The following LRRK1 variants were observed in gnomAD, a reference collection of about 807,000 sequenced individuals.
The protein encoded by LRRK1 is leucine rich repeat kinase 1.
In LRRK1, 113 loss-of-function variants were observed where a neutral mutation model predicts 209.1. The ratio of observed to expected loss-of-function variants is 0.54; its 90% confidence interval spans 0.46 to 0.63. The LOEUF (loss-of-function observed/expected upper bound fraction) is 0.63. Among genes scored for constraint, LRRK1 ranks in the 30% least tolerant of loss-of-function variants. The pLI is 0.00. For synonymous variants in LRRK1, 1,144 were observed against 1,099.7 expected (o/e 1.04, Z -0.80); for missense variants, 2,284 against 2,632.2 (o/e 0.87, Z 2.89).
At chr15:100,985,454 A>G (rs1341917565) in intron 4 of LRRK1, among the ~76,000 whole-genome samples, 1 of 152,226 alleles carries the variant, frequency 6.6e-6, no homozygotes, top group East Asian at 1.9e-4. Flanking sequence ...CTCCTGGCCA[A>G]GCAGGGGAAA....
At chr15:100,998,377 C>T (rs1487511654) in intron 6 of LRRK1, among the ~76,000 whole-genome samples, 2 of 152,184 alleles carry the variant, frequency 1.3e-5, no homozygotes, top group Non-Finnish European at 2.9e-5. Context: ...TCAGGAAAGC[C>T]TTCCTTAACC....
chr15:100,981,661 A>T (rs1035752318), intron 3 of LRRK1, among the ~76,000 whole-genome samples: 2 of 152,178 alleles, frequency 1.3e-5, no homozygotes, highest in African/African-American at 4.8e-5. Context: ...TGCTGATGAT[A>T]AACTCCCTAA....
intron 2 of LRRK1, among the ~76,000 whole-genome samples, chr15:100,964,775 G>A (rs1398703516): frequency 1.5e-5 from 2 of 136,058 alleles, no homozygotes; most frequent in African/African-American, 5.5e-5. Context: ...GTGGGGAGAA[G>A]AGAAATACAC....
chr15:100,965,285 G>A (rs1318629055), intron 2 of LRRK1, among the ~76,000 whole-genome samples: 4 of 152,186 alleles, frequency 2.6e-5, no homozygotes, highest in Non-Finnish European at 5.9e-5. Context: ...ACTTCTTCTT[G>A]AAATGGCTGA....
intron 4 of LRRK1, among the ~76,000 whole-genome samples, chr15:100,985,132 T>C (rs1047068148): frequency 1.3e-5 from 1 of 78,644 alleles, no homozygotes; most frequent in Admixed American, 1.5e-4. Flanking sequence ...CAAGCTAGTG[T>C]TCCCCTCATG....
intron 2 of LRRK1, among the ~76,000 whole-genome samples, chr15:100,970,805 A>G (rs1358446863): frequency 6.6e-6 from 1 of 152,210 alleles, no homozygotes; most frequent in African/African-American, 2.4e-5. Flanking sequence ...GATTCTTCCA[A>G]TCCTTGAAGA....
chr15:100,975,836 A>G (rs956216661), intron 3 of LRRK1, among the ~76,000 whole-genome samples: 1 of 152,220 alleles, frequency 6.6e-6, no homozygotes, highest in Admixed American at 6.5e-5. Context: ...GAAACTGTAA[A>G]AATAATTTGA....
At position 101,076,656 on chromosome 15, in the gene LRRK1, A is replaced by T. The variant is rs1368805732; in HGVS notation, c.*7808A>T. The T allele has an allele frequency of 2.0e-5, 3 of 152,248 alleles. No individual in the cohort carries two copies. Among genetic ancestry groups the T allele is most frequent in the Non-Finnish European group, 4.4e-5 (3 of 68,114 alleles). The allele number at this position is 152,248 out of a possible 1,614,324, so 9.4% of individuals were successfully genotyped here. ...GTGGAAATCTATCCTCAAGGAAATA[A>T]CTTCTCAGTGTTCCATCTGCTATTC... On this transcript the variant is annotated 3_prime_UTR_variant, in exon 34 of 34. Coordinates refer to ENST00000388948, the MANE Select transcript of LRRK1 (RefSeq NM_024652.6).
chr15:100,928,431 C>T (rs1427128694), intron 2 of LRRK1, among the ~76,000 whole-genome samples: 3 of 152,172 alleles, frequency 2.0e-5, no homozygotes, highest in African/African-American at 7.2e-5. Flanking sequence ...CCCTCTCCCA[C>T]CCCCCAAATC....
chr15:101,000,408 A>G (rs988600491), intron 6 of LRRK1, among the ~76,000 whole-genome samples: 1 of 151,984 alleles, frequency 6.6e-6, no homozygotes, highest in Non-Finnish European at 1.5e-5. Flanking sequence ...TCTGGTCCCA[A>G]CCTCCCCTCT....
In LRRK1 at chr15:101,024,916, G is replaced by T. The variant is rs1008616867; in HGVS notation, c.2181G>T (p.Ala727=). 68 of 1,613,978 alleles carry T rather than the reference G, an allele frequency of 4.2e-5. No homozygotes were observed. Among genetic ancestry groups the T allele is most frequent in the Non-Finnish European group, 5.5e-5 (65 of 1,180,012 alleles). Residue 727 remains alanine, a synonymous_variant, in exon 16 of 34, where the codon GCG becomes GCT. Transcript: ENST00000388948. The surrounding 1 kb of genome is among the most constrained non-coding windows in gnomAD (Gnocchi z 4.6). The part of the protein sequence containing the change: ...KALYVVVWNL[A]LGEEAVANLQ... ...TGTACGTGGTGGTCTGGAACCTGGCGCTGGGGGAGGAGGCCGTGGCCAACC... is the reference window on the plus strand; with the variant it reads ...TGTACGTGGTGGTCTGGAACCTGGCTCTGGGGGAGGAGGCCGTGGCCAACC...
chr15:101,066,657 T>C lies in LRRK1; in HGVS notation c.5786T>C (p.Ile1929Thr). The change falls in exon 33 of 34, where the codon ATC becomes ACC. Residue 1929 changes from isoleucine (I) to threonine (T), a missense_variant. Ile to Thr is a moderately conservative substitution (Grantham distance 89). Transcript: ENST00000388948. ...IWVPRRGGDV[I>T]VIGLEKDSGA... ...TTGCTTAGGCGCGGTGGAGATGTTATCGTCATTGGCCTGGAGAAGGATTCT... is the reference window on the plus strand; with the variant it reads ...TTGCTTAGGCGCGGTGGAGATGTTACCGTCATTGGCCTGGAGAAGGATTCT... 6 of 1,614,220 alleles carry C rather than the reference T, an allele frequency of 3.7e-6. No individual in the cohort carries two copies. The highest frequency in any genetic ancestry group is 4.2e-6 in the Non-Finnish European group (5 of 1,180,026).
chr15:100,932,046 C>T (rs1434524804), intron 2 of LRRK1, among the ~76,000 whole-genome samples: 3 of 152,034 alleles, frequency 2.0e-5, no homozygotes, highest in Non-Finnish European at 2.9e-5. Flanking sequence ...AGTGCAATGG[C>T]GCAACCTCGG....
rs187318977 is a variant in LRRK1 at position 100,929,762 on chromosome 15, G to A, written c.97+5033G>A. On this transcript the variant is annotated intron_variant, in intron 2 of 33. Transcript: ENST00000388948. Reference sequence around the variant, plus strand: ...CAGGAAACAGGGCAGGCAGGGCCTTGCAGGGAAGGAGATTCCAGCCTGGCT... The same window carrying A: ...CAGGAAACAGGGCAGGCAGGGCCTTACAGGGAAGGAGATTCCAGCCTGGCT... 2.8e-4 allele frequency among the ~76,000 whole-genome samples: 42 copies of A among 152,186 alleles called. 1 individual carries two copies. The highest frequency in any genetic ancestry group is 9.7e-4 in the African/African-American group (40 of 41,434).
intron 6 of LRRK1, among the ~76,000 whole-genome samples, chr15:100,993,306 GCTTT>G (rs1169687402): frequency 2.0e-5 from 3 of 152,080 alleles, no homozygotes; most frequent in African/African-American, 4.8e-5. Flanking sequence ...GTTTGTGCTA[GCTTT>G]CTTTATCAGA....
chr15:100,924,440 A>G, intron 1 of LRRK1, 71 bp from the exon 2 acceptor site: 2 of 586,314 alleles, frequency 3.4e-6, no homozygotes, highest in Non-Finnish European at 3.1e-6. Context: ...AAATGAACCC[A>G]TGCAAATATT....
chr15:100,926,294 C>A (rs1370239335), intron 2 of LRRK1, among the ~76,000 whole-genome samples: 1 of 151,894 alleles, frequency 6.6e-6, no homozygotes, highest in East Asian at 1.9e-4. Flanking sequence ...ACGCAGTCCC[C>A]GATTTGGGGG....
chr15:100,998,744 A>G (rs955095209), intron 6 of LRRK1, among the ~76,000 whole-genome samples: 1 of 151,594 alleles, frequency 6.6e-6, no homozygotes, highest in African/African-American at 2.4e-5. Context: ...GGATGAATGG[A>G]TAGAAGGATG....
chr15:100,924,343 G>C (rs999012210), intron 1 of LRRK1, among the ~76,000 whole-genome samples, 168 bp from the exon 2 acceptor site: 3 of 152,300 alleles, frequency 2.0e-5, no homozygotes, highest in East Asian at 3.9e-4. Flanking sequence ...AGATGGGATG[G>C]GGGGAGCTGT....
Sources: gnomAD v4.1 joint callset for allele counts (sites outside exome capture counted in the v4.1 genomes callset) on GRCh38, gnomAD v4.1.1 for gene constraint, Gnocchi (gnomAD v3.1) non-coding constraint, MANE v1.5 for transcripts, NCBI Gene and HGNC (gene_info 2026-07-23, HGNC 2026-07-21) for gene names.